Variants in RFC1 observed in about 807,000 individuals in gnomAD.
RFC1 encodes replication factor C subunit 1, also known as A1 140 kDa subunit.
In RFC1, 37 loss-of-function variants were observed where a neutral mutation model predicts 137.4. The observed-to-expected ratio is 0.27, with a 90% CI of 0.21 to 0.35. RFC1 has a LOEUF of 0.35. Among genes scored for constraint, RFC1 ranks in the 10% least tolerant of loss-of-function variants. RFC1 has a pLI of 1.00. For synonymous variants in RFC1, 429 were observed against 455.7 expected, an observed-to-expected ratio of 0.94 and a Z score of 0.75; for missense variants, 1,205 against 1,358.5, an observed-to-expected ratio of 0.89 and a Z score of 1.78.
At chr4:39,348,837 G>A (rs978826679) in intron 2 of RFC1, among the ~76,000 whole-genome samples, 2 of 151,956 alleles carry the variant, frequency 1.3e-5, no homozygotes, top group Non-Finnish European at 2.9e-5. Flanking sequence ...TGGGGGTAGG[G>A]CCACTAACCC....
At chr4:39,307,148 G>A (rs1305129711) in intron 13 of RFC1, among the ~76,000 whole-genome samples, 1 of 152,150 alleles carries the variant, frequency 6.6e-6, no homozygotes, top group African/African-American at 2.4e-5. Flanking sequence ...GATGTTGTGA[G>A]GACGGAATGG....
chr4:39,312,657 T>G, intron 11 of RFC1, 95 bp downstream of exon 11: 1 of 1,058,866 alleles, frequency 9.4e-7, no homozygotes, highest in Non-Finnish European at 1.3e-6. Context: ...TCTATTTCTT[T>G]CCTTCATTTA....
chr4:39,299,133 CTT>C (rs1275469588), intron 21 of RFC1, among the ~76,000 whole-genome samples: 3 of 152,232 alleles, frequency 2.0e-5, no homozygotes, highest in Admixed American at 2.0e-4. Flanking sequence ...CGATCTGTGC[CTT>C]AAGAACATGC....
intron 4 of RFC1, among the ~76,000 whole-genome samples, chr4:39,340,928 C>T (rs1740577373): frequency 6.6e-6 from 1 of 152,126 alleles, no homozygotes; most frequent in African/African-American, 2.4e-5. Context: ...GTATATGCTA[C>T]CAGCAAATGA....
chr4:39,346,075 A>C (rs975153579), intron 2 of RFC1, among the ~76,000 whole-genome samples: 15 of 152,262 alleles, frequency 9.9e-5, no homozygotes, highest in Non-Finnish European at 2.9e-5. Flanking sequence ...AACAAAGAAT[A>C]AAAGGATATC....
intron 4 of RFC1, chr4:39,341,646 T>C (rs1338168840): frequency 2.2e-6 from 1 of 456,280 alleles, no homozygotes; most frequent in South Asian, 1.5e-5. Context: ...CATCCCGTAT[T>C]ATTCCGGTTA....
At chr4:39,344,464 C>T (rs896849468) in intron 3 of RFC1, among the ~76,000 whole-genome samples, 1 of 152,036 alleles carries the variant, frequency 6.6e-6, no homozygotes, top group African/African-American at 2.4e-5. Context: ...GAAATTAATA[C>T]AAGTATTTTA....
chr4:39,301,747 AC>A (rs1738372896), intron 19 of RFC1, among the ~76,000 whole-genome samples: 1 of 152,184 alleles, frequency 6.6e-6, no homozygotes, highest in African/African-American at 2.4e-5. Flanking sequence ...GGAATTCAAG[AC>A]CAGTCGGGGA....
At chr4:39,289,299 A>G (rs1290137574) in intron 24 of RFC1, among the ~76,000 whole-genome samples, 5 of 152,228 alleles carry the variant, frequency 3.3e-5, no homozygotes, top group East Asian at 1.9e-4. Context: ...GCCACAGTGA[A>G]GAAGGCCACT....
rs1363561065 is a variant in RFC1 at position 39,295,667 on chromosome 4, A to G, written c.2901T>C (p.Ser967=). The G allele has an allele frequency of 6.2e-7, 1 of 1,613,708 alleles. No individual in the cohort carries two copies. The highest frequency in any genetic ancestry group is 8.5e-7 in the Non-Finnish European group (1 of 1,179,864). ...GAACAATACGATCATGTTTGCCTGT[A>G]GACGAGTGCTTCCCCAGCCAGCTTG... is the stretch of plus-strand genomic sequence containing the variant. The part of the protein sequence containing the change: ...TFPSWLGKHS[S]TGKHDRIVQD... The change falls in exon 22 of 25, where the codon TCT becomes TCC. Residue 967 remains serine (S), a synonymous_variant. Coordinates refer to ENST00000349703, the MANE Select transcript of RFC1 (RefSeq NM_002913.5).
chr4:39,365,897 G>C (rs1741998453), intron 1 of RFC1, among the ~76,000 whole-genome samples: 1 of 152,172 alleles, frequency 6.6e-6, no homozygotes, highest in South Asian at 2.1e-4. Flanking sequence ...CTGAGGTTCG[G>C]GCAACGCCGA....
At chr4:39,357,899 G>A (rs542329119) in intron 1 of RFC1, among the ~76,000 whole-genome samples, 165 of 151,988 alleles carry the variant, frequency 1.1e-3, no homozygotes, top group African/African-American at 3.8e-3. Flanking sequence ...GAGCCACAGC[G>A]CCCGGCCCAG....
intron 7 of RFC1, among the ~76,000 whole-genome samples, chr4:39,322,114 ATAAAAAAAT>A (rs1739548469): frequency 6.6e-6 from 1 of 152,194 alleles, no homozygotes; most frequent in Admixed American, 6.5e-5. Context: ...AAAAATAAAA[ATAAAAAAAT>A]TAAAAAAATT....
chr4:39,363,616 G>A (rs949333333), intron 1 of RFC1, among the ~76,000 whole-genome samples: 5 of 152,154 alleles, frequency 3.3e-5, no homozygotes, highest in Non-Finnish European at 5.9e-5. Context: ...GCCAGGCACA[G>A]TGGTTCATGC....
chr4:39,348,447 A>G (rs11737549), intron 2 of RFC1, among the ~76,000 whole-genome samples: 163 of 129,690 alleles, frequency 1.3e-3, no homozygotes, highest in Middle Eastern at 8.1e-3. Context: ...AAGAAAAGAA[A>G]AGAAAAGAAA....
chr4:39,359,447 T>G (rs1476215491), intron 1 of RFC1, among the ~76,000 whole-genome samples: 4 of 152,160 alleles, frequency 2.6e-5, no homozygotes, highest in Non-Finnish European at 5.9e-5. Flanking sequence ...TTATTCTAAG[T>G]GAAGTAACTC....
chr4:39,315,684 T>C (rs992232778), intron 10 of RFC1, among the ~76,000 whole-genome samples: 6 of 152,158 alleles, frequency 3.9e-5, no homozygotes, highest in Non-Finnish European at 7.4e-5. Context: ...AATAACAAGA[T>C]CATCCCCAAT....
chr4:39,355,349 C>T (rs1391560079), intron 1 of RFC1, among the ~76,000 whole-genome samples: 2 of 151,714 alleles, frequency 1.3e-5, no homozygotes, highest in Non-Finnish European at 2.9e-5. Context: ...GTGGCACTTG[C>T]GCGCCAAGAG....
rs942858891 is a variant in RFC1 at position 39,302,380 on chromosome 4, A to G, written c.2437-4T>C. On this transcript the variant is annotated splice_polypyrimidine_tract_variant and splice_region_variant and intron_variant, in intron 18 of 24. Transcript: ENST00000349703. ...ACATACTCAGATTATGTAAAACCTA[A>G]AAGAATCACAAATAAGACAACGTCA... The G allele has an allele frequency of 1.9e-6, 3 of 1,604,612 alleles. No homozygotes were observed. The highest frequency in any genetic ancestry group is 1.7e-6 in the Non-Finnish European group (2 of 1,171,404).
Sources: gnomAD v4.1 joint callset for allele counts (sites outside exome capture counted in the v4.1 genomes callset) on GRCh38, gnomAD v4.1.1 for gene constraint, MANE v1.5 for transcripts, NCBI Gene and HGNC (gene_info 2026-07-23, HGNC 2026-07-21) for gene names.